Variants in PXDNL observed in about 807,000 individuals in gnomAD.
PXDNL encodes probable oxidoreductase PXDNL.
In PXDNL, 145 loss-of-function variants were observed where a neutral mutation model predicts 150.8. The observed-to-expected ratio is 0.96, with a 90% confidence interval of 0.84 to 1.10. The LOEUF (loss-of-function observed/expected upper bound fraction) is 1.10. Among genes scored for constraint, PXDNL ranks in the 50% least tolerant of loss-of-function variants. The pLI, the probability that PXDNL is intolerant of heterozygous loss-of-function variation, is 0.00. For missense variants in PXDNL, 2,087 were observed against 1,873.9 expected, an observed-to-expected ratio of 1.11 and a Z score of -2.10; for synonymous variants, 757 against 725.7, an observed-to-expected ratio of 1.04 and a Z score of -0.69.
intron 1 of PXDNL, among the ~76,000 whole-genome samples, chr8:51,755,066 A>G (rs1234930706): frequency 1.3e-5 from 2 of 152,150 alleles, no homozygotes; most frequent in Non-Finnish European, 2.9e-5. Flanking sequence ...AATACAAGAG[A>G]GAACACAGGG....
chr8:51,775,408 C>A (rs746014871), intron 1 of PXDNL, among the ~76,000 whole-genome samples: 5 of 152,106 alleles, frequency 3.3e-5, no homozygotes, highest in African/African-American at 4.8e-5. Flanking sequence ...ATTTTCAAGT[C>A]CACATGGAAT....
At chr8:51,606,287 A>G (rs1018652193) in intron 2 of PXDNL, among the ~76,000 whole-genome samples, 26 of 152,156 alleles carry the variant, frequency 1.7e-4, no homozygotes, top group African/African-American at 5.6e-4. Context: ...TTTGGCTTTT[A>G]TGATAACAAA....
chr8:51,644,075 G>A (rs1034559594), intron 2 of PXDNL, among the ~76,000 whole-genome samples: 4 of 151,604 alleles, frequency 2.6e-5, no homozygotes, highest in South Asian at 4.2e-4. Context: ...GAACCTGGGA[G>A]GCAGAGCTTA....
rs574206716 is a variant in PXDNL at position 51,678,990 on chromosome 8, T to A, written c.165-24230A>T. On this transcript the variant is annotated intron_variant, in intron 1 of 22. Coordinates refer to ENST00000356297, the MANE Select transcript of PXDNL (RefSeq NM_144651.5). The stretch of plus-strand genomic sequence containing the variant: ...GTTGTTCTAAGTTCTGGAGAAATGA[T>A]GAGTGAGACACAAATCTTTGAAGAC... Among the ~76,000 whole-genome samples the A allele has an allele frequency of 1.7e-4, 26 of 152,338 alleles. No homozygotes were observed. In the South Asian group the frequency reaches 4.8e-3, roughly 28 times the overall value.
At chr8:51,723,131 C>T (rs528909016) in intron 1 of PXDNL, among the ~76,000 whole-genome samples, 1 of 151,876 alleles carries the variant, frequency 6.6e-6, no homozygotes, top group Non-Finnish European at 1.5e-5. Context: ...GCTATATTAG[C>T]CAAAGTCTAC....
At chr8:51,740,170 GT>G (rs1391157647) in intron 1 of PXDNL, among the ~76,000 whole-genome samples, 17 of 152,072 alleles carry the variant, frequency 1.1e-4, no homozygotes, top group African/African-American at 4.1e-4. Context: ...ATTTAACAAG[GT>G]TCTTCTTCTA....
At chr8:51,732,586 G>A (rs193283403) in intron 1 of PXDNL, among the ~76,000 whole-genome samples, 1 of 152,262 alleles carries the variant, frequency 6.6e-6, no homozygotes, top group East Asian at 1.9e-4. Flanking sequence ...CCAATTTACT[G>A]TATTAGTCTG....
chr8:51,433,047 T>A (rs1809293708), intron 12 of PXDNL, among the ~76,000 whole-genome samples: 1 of 151,924 alleles, frequency 6.6e-6, no homozygotes, highest in Non-Finnish European at 1.5e-5. Flanking sequence ...CTGTCTCTAT[T>A]AAAATACAAA....
chr8:51,717,179 T>C (rs1419364000), intron 1 of PXDNL, among the ~76,000 whole-genome samples: 1 of 152,214 alleles, frequency 6.6e-6, no homozygotes, highest in Non-Finnish European at 1.5e-5. Flanking sequence ...TTACCAATTT[T>C]ATCTGTCTCT....
chr8:51,345,976 A>ATC, intron 19 of PXDNL, 29 bp from the exon 20 acceptor site: 3 of 1,302,106 alleles, frequency 2.3e-6, no homozygotes, highest in Non-Finnish European at 3.3e-6. Flanking sequence ...CCACAATAGC[A>ATC]TCATGTGAGA....
rs776364671 is a variant in PXDNL at position 51,409,442 on chromosome 8, G to A, written c.2182C>T (p.Arg728Cys). Residue 728 changes from arginine to cysteine, a missense_variant, in exon 17 of 23, where the codon CGC (arginine) becomes TGC (cysteine). Transcript: ENST00000356297. ...TTGTTGCACGTGCCGTCGTGGGCGCGGTACTTCGCATGGAAACACCGGTTG... is the reference window on the plus strand; with the variant it reads ...TTGTTGCACGTGCCGTCGTGGGCGCAGTACTTCGCATGGAAACACCGGTTG... The part of the protein sequence containing the change: ...CSNRCFHAKY[R>C]AHDGTCNNLQ... 3 of 1,612,588 alleles carry A rather than the reference G, an allele frequency of 1.9e-6. No individual in the cohort carries two copies. The highest frequency in any genetic ancestry group is 2.2e-5 in the East Asian group (1 of 44,808).
chr8:51,347,293 A>G (rs1334607988), intron 19 of PXDNL, among the ~76,000 whole-genome samples: 2 of 152,218 alleles, frequency 1.3e-5, no homozygotes, highest in Non-Finnish European at 2.9e-5. Flanking sequence ...ATATTACATG[A>G]AAGATTATTA....
chr8:51,697,943 T>C lies in PXDNL; in HGVS notation c.165-43183A>G, dbSNP rs144925295. On this transcript the variant is annotated intron_variant, in intron 1 of 22. Coordinates refer to ENST00000356297, the MANE Select transcript of PXDNL (RefSeq NM_144651.5). ...CTGTACAAACATGTTACGTTTAGAC[T>C]ATACTATGGTCTTTTAAGTGTGCAA... 3.7e-3 allele frequency among the ~76,000 whole-genome samples: 562 copies of C among 152,366 alleles called. 1 individual carries two copies. The highest frequency in any genetic ancestry group is 6.1e-3 in the Non-Finnish European group (415 of 68,024).
chr8:51,743,938 AG>A, intron 1 of PXDNL, among the ~76,000 whole-genome samples: 1 of 31,050 alleles, frequency 3.2e-5, no homozygotes, highest in Non-Finnish European at 1.1e-4. Flanking sequence ...GAAGGAAGGA[AG>A]GAGAGAAAGA....
intron 2 of PXDNL, among the ~76,000 whole-genome samples, chr8:51,632,830 A>G (rs1814519754): frequency 6.6e-6 from 1 of 152,206 alleles, no homozygotes; most frequent in Non-Finnish European, 1.5e-5. Context: ...TGGAAAATTC[A>G]TAAATATGTG....
At chr8:51,737,594 G>A (rs1188893487) in intron 1 of PXDNL, among the ~76,000 whole-genome samples, 1 of 152,140 alleles carries the variant, frequency 6.6e-6, no homozygotes, top group African/African-American at 2.4e-5. Flanking sequence ...AAGACCTCAT[G>A]GTCTTTGCTC....
chr8:51,734,821 T>C (rs140171242), intron 1 of PXDNL, among the ~76,000 whole-genome samples: 165 of 152,278 alleles, frequency 1.1e-3, no homozygotes, highest in African/African-American at 3.9e-3. Flanking sequence ...ACTGCAGAAA[T>C]CTGAGCATGA....
At chr8:51,455,966 G>A (rs777811822) in intron 9 of PXDNL, among the ~76,000 whole-genome samples, 1 of 152,132 alleles carries the variant, frequency 6.6e-6, no homozygotes, top group South Asian at 2.1e-4. Flanking sequence ...GCTAACTCAA[G>A]TGTCTTTTTT....
intron 4 of PXDNL, among the ~76,000 whole-genome samples, chr8:51,543,898 A>T (rs1004887272): frequency 1.3e-4 from 20 of 152,258 alleles, no homozygotes; most frequent in Non-Finnish European, 2.2e-4. Context: ...CAATAAAAAT[A>T]TGAAAATATG....
Sources: gnomAD v4.1 joint callset for allele counts (sites outside exome capture counted in the v4.1 genomes callset) on GRCh38, gnomAD v4.1.1 for gene constraint, MANE v1.5 for transcripts, NCBI Gene and HGNC (gene_info 2026-07-23, HGNC 2026-07-21) for gene names.